DOCK3: variants seen among roughly 807,000 people sequenced by gnomAD.
DOCK3 encodes dedicator of cytokinesis protein 3.
DOCK3 carries 60 observed loss-of-function variants against 265.6 expected under a neutral mutation model. That is an observed-to-expected ratio of 0.23 (90% CI 0.18 to 0.28). The LOEUF is 0.28. Among genes scored for constraint, DOCK3 ranks in the 10% least tolerant of loss-of-function variants. The probability of loss-of-function intolerance (pLI) is 1.00; values close to 1 mark genes in which losing one functional copy is unlikely to be tolerated. For synonymous variants in DOCK3, 881 were observed against 938.0 expected, an observed-to-expected ratio of 0.94 and a Z score of 1.11; for missense variants, 1,981 against 2,594.3, an observed-to-expected ratio of 0.76 and a Z score of 5.14.
At chr3:51,290,690 T>A (rs974593031) in intron 27 of DOCK3, among the ~76,000 whole-genome samples, 2 of 152,032 alleles carry the variant, frequency 1.3e-5, no homozygotes, top group Non-Finnish European at 2.9e-5. Context: ...ATAATATATA[T>A]ATAAAAGAAA....
chr3:50,907,741 G>A lies in DOCK3; in HGVS notation c.218+17660G>A, dbSNP rs368963007. Among the ~76,000 whole-genome samples the A allele has an allele frequency of 5.9e-5, 9 of 152,098 alleles. No homozygotes were observed. In the East Asian group the frequency reaches 1.2e-3, roughly 20 times the overall value. ...CTGTGCCTTTTAATTGGAGCATTTAGCCCATTTACATTTAAAGTGAATATT... is the reference window on the plus strand; with the variant it reads ...CTGTGCCTTTTAATTGGAGCATTTAACCCATTTACATTTAAAGTGAATATT... On this transcript the variant is annotated intron_variant, in intron 4 of 52. Coordinates refer to ENST00000266037, the MANE Select transcript of DOCK3 (RefSeq NM_004947.5).
chr3:50,844,079 T>C (rs2045968775), intron 3 of DOCK3, among the ~76,000 whole-genome samples: 1 of 152,222 alleles, frequency 6.6e-6, no homozygotes, highest in Admixed American at 6.5e-5. Context: ...TTCATAGATA[T>C]TAGTGGTTAA....
rs58166776 is a variant in DOCK3 at position 51,278,615 on chromosome 3, C to CATAT, written c.2823+876_2823+879dup. 30 of 569,348 alleles carry CATAT rather than the reference C, an allele frequency of 5.3e-5. No individual in the cohort carries two copies. In the East Asian group the frequency reaches 5.6e-4, roughly 11 times the overall value. 35.3% of individuals were successfully genotyped at this position (569,348 alleles called of 1,614,324 possible). A position where few individuals can be genotyped will look rare whatever the true frequency, so the allele number is the denominator to read the frequency against. ...AGGCACTCTCACTGTAAGTAAAAAACATATATATATATATATATGTACCCT... is the reference window on the plus strand; with the variant it reads ...AGGCACTCTCACTGTAAGTAAAAAACATATATATATATATATATATATGTACCCT... On this transcript the variant is annotated intron_variant, in intron 26 of 52. Coordinates refer to ENST00000266037, the MANE Select transcript of DOCK3 (RefSeq NM_004947.5).
Position 50,777,342 on chromosome 3 carries a change from G to A in DOCK3, c.38-1333G>A, listed in dbSNP as rs116506567. The stretch of plus-strand genomic sequence containing the variant: ...CTGTTTTGGTAACTATAGCCCTGTA[G>A]TATAATTCAAAGTCCCATAATGTGA... On this transcript the variant is annotated intron_variant, in intron 1 of 52. Coordinates refer to ENST00000266037, the MANE Select transcript of DOCK3 (RefSeq NM_004947.5). Among the ~76,000 whole-genome samples the A allele has an allele frequency of 2.8e-3, 429 of 152,170 alleles. 3 individuals carry two copies. Among genetic ancestry groups the A allele is most frequent in the African/African-American group, 9.9e-3 (411 of 41,530 alleles).
intron 2 of DOCK3, among the ~76,000 whole-genome samples, chr3:50,818,951 A>T (rs1430583132): frequency 1.3e-5 from 2 of 152,184 alleles, no homozygotes; most frequent in Non-Finnish European, 2.9e-5. Flanking sequence ...TCTTCTTAAT[A>T]TGCACTTCCT....
intron 14 of DOCK3, among the ~76,000 whole-genome samples, chr3:51,216,632 A>C (rs1198322219): frequency 1.3e-5 from 2 of 152,166 alleles, no homozygotes; most frequent in Non-Finnish European, 2.9e-5. Context: ...GGCCACTCCC[A>C]GGGTTGTGGG....
At chr3:50,747,151 C>T (rs543958793) in intron 1 of DOCK3, among the ~76,000 whole-genome samples, 1 of 152,230 alleles carries the variant, frequency 6.6e-6, no homozygotes, top group Non-Finnish European at 1.5e-5. Flanking sequence ...TGATTCTGTT[C>T]CACTGATCTA....
chr3:51,236,215 T>A (rs2078342794), intron 19 of DOCK3, 130 bp from the exon 20 acceptor site: 1 of 747,500 alleles, frequency 1.3e-6, no homozygotes, highest in African/African-American at 1.8e-5. Flanking sequence ...AGTACGATGA[T>A]TTTTAAGTGG....
chr3:51,332,125 C>T (rs990057802), intron 33 of DOCK3, among the ~76,000 whole-genome samples: 1 of 152,148 alleles, frequency 6.6e-6, no homozygotes, highest in African/African-American at 2.4e-5. Context: ...GGTTTGAGTC[C>T]CCAGTGCTAG....
chr3:51,109,895 T>C (rs2109824682), intron 9 of DOCK3, among the ~76,000 whole-genome samples: 1 of 151,896 alleles, frequency 6.6e-6, no homozygotes, highest in East Asian at 1.9e-4. Flanking sequence ...ATCATACCAC[T>C]GCACTCAAGC....
intron 1 of DOCK3, among the ~76,000 whole-genome samples, chr3:50,693,530 CTTTTTTTTTTTT>C (rs35261130): frequency 1.6e-5 from 1 of 64,278 alleles, no homozygotes; most frequent in South Asian, 7.3e-4. Flanking sequence ...ATTTCCTTTC[CTTTTTTTTTTTT>C]TTTTTTTTTT....
At chr3:50,989,853 T>A (rs1426376000) in intron 5 of DOCK3, among the ~76,000 whole-genome samples, 1 of 151,938 alleles carries the variant, frequency 6.6e-6, no homozygotes, top group Non-Finnish European at 1.5e-5. Context: ...GGAACAAAGA[T>A]AATTGAGAGT....
chr3:51,154,509 A>ACC (rs2085751998), intron 10 of DOCK3, among the ~76,000 whole-genome samples: 1 of 152,228 alleles, frequency 6.6e-6, no homozygotes, highest in Admixed American at 6.5e-5. Flanking sequence ...GTTCCTGAAC[A>ACC]CTGAGGTGGT....
intron 12 of DOCK3, among the ~76,000 whole-genome samples, chr3:51,196,975 G>A (rs1034011245): frequency 3.9e-5 from 6 of 152,322 alleles, no homozygotes; most frequent in Admixed American, 2.0e-4. Flanking sequence ...TGTATCTGGA[G>A]TAACAGTCAC....
At position 51,199,025 on chromosome 3, in the gene DOCK3, G is replaced by A. The variant is rs563477154; in HGVS notation, c.1038-9749G>A. On this transcript the variant is annotated intron_variant, in intron 12 of 52. Transcript: ENST00000266037. ...AGCCTGGGCAACAGAGGGAGACTCC[G>A]ACTCAATAAAAGAAAAAAAAAGAGG... Among the ~76,000 whole-genome samples, 215 of 152,012 alleles carry A rather than the reference G, an allele frequency of 1.4e-3. 1 individual carries two copies. The highest frequency in any genetic ancestry group is 1.3e-3 in the Non-Finnish European group (86 of 67,964).
At chr3:50,781,915 T>A (rs938680261) in intron 2 of DOCK3, among the ~76,000 whole-genome samples, 28 of 152,300 alleles carry the variant, frequency 1.8e-4, no homozygotes, top group African/African-American at 6.5e-4. Context: ...TTGCTAAGGA[T>A]AATAGCCTCC....
intron 2 of DOCK3, among the ~76,000 whole-genome samples, chr3:50,782,277 C>A (rs2041951371): frequency 7.0e-6 from 1 of 143,612 alleles, no homozygotes; most frequent in Non-Finnish European, 1.5e-5. Context: ...AGCAGTCTCA[C>A]CAGTACCTGT....
At chr3:51,083,660 G>A (rs2082318221) in intron 7 of DOCK3, among the ~76,000 whole-genome samples, 11 of 152,128 alleles carry the variant, frequency 7.2e-5, no homozygotes, top group Admixed American at 6.5e-4. Context: ...ACAGTCAAGA[G>A]CTTCAACAAT....
At chr3:51,336,767 C>T (rs2110041246) in intron 35 of DOCK3, 1 of 420,770 alleles carries the variant, frequency 2.4e-6, no homozygotes, top group East Asian at 7.1e-5. Context: ...GTGTTGAGGC[C>T]AGTTCCTTTC....
Sources: gnomAD v4.1 joint callset for allele counts (sites outside exome capture counted in the v4.1 genomes callset) on GRCh38, gnomAD v4.1.1 for gene constraint, MANE v1.5 for transcripts, NCBI Gene and HGNC (gene_info 2026-07-23, HGNC 2026-07-21) for gene names.